PDE1C: variants seen among roughly 807,000 people sequenced by gnomAD.
PDE1C encodes the protein dual specificity calcium/calmodulin-dependent 3',5'-cyclic nucleotide phosphodiesterase 1C.
A neutral mutation model predicts 93.1 loss-of-function variants in PDE1C; 62 were observed. That is an observed-to-expected ratio of 0.67 (90% CI 0.54 to 0.82). The LOEUF (loss-of-function observed/expected upper bound fraction) is 0.82. Among genes scored for constraint, PDE1C ranks in the 40% least tolerant of loss-of-function variants. The probability of loss-of-function intolerance (pLI) is 0.00; values close to 1 mark genes in which losing one functional copy is unlikely to be tolerated. For missense variants in PDE1C, 742 were observed against 884.6 expected (o/e 0.84, Z 2.04); for synonymous variants, 325 against 310.1 (o/e 1.05, Z -0.50).
chr7:31,864,872 T>C, intron 7 of PDE1C, 70 bp downstream of exon 7: 1 of 1,480,180 alleles, frequency 6.8e-7, no homozygotes, highest in Admixed American at 1.7e-5. Context: ...TCATCAGAAT[T>C]GGAACAGTCA....
intron 8 of PDE1C, among the ~76,000 whole-genome samples, chr7:31,849,333 G>T (rs537030704): frequency 1.3e-5 from 2 of 152,230 alleles, no homozygotes; most frequent in South Asian, 4.2e-4. Flanking sequence ...TCAGAGCAAA[G>T]GTTCCACCCA....
intron 1 of PDE1C, among the ~76,000 whole-genome samples, chr7:32,380,045 T>C (rs1338223999): frequency 6.6e-6 from 1 of 152,112 alleles, no homozygotes; most frequent in Admixed American, 6.6e-5. Flanking sequence ...TTTCCCCCTA[T>C]CTATTGGATC....
At chr7:31,778,691 A>G (rs1396113349) in intron 16 of PDE1C, among the ~76,000 whole-genome samples, 2 of 151,874 alleles carry the variant, frequency 1.3e-5, no homozygotes, top group Non-Finnish European at 2.9e-5. Flanking sequence ...GCTAATAGTC[A>G]CTCCCACATA....
intron 14 of PDE1C, among the ~76,000 whole-genome samples, chr7:31,816,954 G>C (rs1453771583): frequency 6.6e-6 from 1 of 152,150 alleles, no homozygotes; most frequent in Non-Finnish European, 1.5e-5. Context: ...AAATGCGTAG[G>C]TTAAGTATTT....
At position 32,360,835 on chromosome 7, in the gene PDE1C, G is replaced by A. The variant is rs539455082; in HGVS notation, c.310+66987C>T. The stretch of plus-strand genomic sequence containing the variant: ...TGTCTAAACTCAAAGACTTGGGATC[G>A]GAAAATATGAAGACAAAGGCAATAG... On this transcript the variant is annotated intron_variant, in intron 1 of 1. Coordinates refer to the PDE1C transcript ENST00000672256. Among the ~76,000 whole-genome samples, 7 of 152,230 alleles carry A rather than the reference G, an allele frequency of 4.6e-5. No homozygotes were observed. The South Asian group carries it at 8.3e-4, about 18-fold the overall frequency.
intron 2 of PDE1C, among the ~76,000 whole-genome samples, chr7:32,041,868 T>A (rs10277858): frequency 0.15 from 22,737 of 152,118 alleles, 2,041 homozygotes; most frequent in East Asian, 0.3. Context: ...AAACATAAAA[T>A]GTCTGAAGAG....
intron 1 of PDE1C, among the ~76,000 whole-genome samples, chr7:32,348,822 T>C (rs941989905): frequency 1.3e-5 from 2 of 152,320 alleles, no homozygotes; most frequent in African/African-American, 2.4e-5. Context: ...TCACTCTAAC[T>C]GCACCATTGA....
intron 1 of PDE1C, among the ~76,000 whole-genome samples, chr7:32,264,167 A>C (rs1396834673): frequency 6.6e-6 from 1 of 152,198 alleles, no homozygotes; most frequent in Non-Finnish European, 1.5e-5. Flanking sequence ...TCTATATTTC[A>C]AACAATTGAG....
intron 2 of PDE1C, among the ~76,000 whole-genome samples, chr7:31,934,524 T>C (rs1484438444): frequency 1.2e-4 from 17 of 139,952 alleles, no homozygotes. Context: ...ATTTATTACA[T>C]AAACATTTCC....
the PDE1C span, among the ~76,000 whole-genome samples, chr7:31,664,965 G>A: frequency 6.6e-6 from 1 of 152,076 alleles, no homozygotes. Flanking sequence ...AATCTCCAAA[G>A]GCTCTTCAGT....
chr7:32,293,030 C>A (rs556794299), intron 1 of PDE1C, among the ~76,000 whole-genome samples: 7 of 152,176 alleles, frequency 4.6e-5, no homozygotes, highest in Non-Finnish European at 1.0e-4. Context: ...CAGCCACAAA[C>A]CCTGGGGATC....
chr7:31,907,188 C>A (rs1309927019), intron 2 of PDE1C, among the ~76,000 whole-genome samples: 2 of 151,772 alleles, frequency 1.3e-5, no homozygotes, highest in African/African-American at 4.8e-5. Context: ...TTCAAGGATG[C>A]CGAGAGCAAG....
intron 1 of PDE1C, among the ~76,000 whole-genome samples, chr7:32,297,043 G>A (rs1215339566): frequency 6.6e-6 from 1 of 152,164 alleles, no homozygotes; most frequent in South Asian, 2.1e-4. Flanking sequence ...AGTGGAAGAC[G>A]TGGAAAGTGA....
intron 1 of PDE1C, among the ~76,000 whole-genome samples, chr7:32,309,540 C>G (rs1044280005): frequency 7.2e-5 from 11 of 152,246 alleles, no homozygotes; most frequent in African/African-American, 2.7e-4. Context: ...ATCAGACTAA[C>G]AGTGGATCTC....
intron 2 of PDE1C, among the ~76,000 whole-genome samples, chr7:31,898,128 T>C (rs4723106): frequency 0.99 from 150,803 of 152,058 alleles, 74,782 homozygotes; most frequent in East Asian, 1. Context: ...AGAGAATAAT[T>C]GAAATAAGTA....
chr7:31,765,731 G>C (rs1483134642), intron 17 of PDE1C, among the ~76,000 whole-genome samples: 1 of 152,152 alleles, frequency 6.6e-6, no homozygotes, highest in Admixed American at 6.5e-5. Context: ...ACTTACCAGA[G>C]TCTTCACTTA....
intron 2 of PDE1C, among the ~76,000 whole-genome samples, chr7:31,985,320 A>C (rs548220300): frequency 2.0e-5 from 3 of 152,184 alleles, no homozygotes; most frequent in Non-Finnish European, 4.4e-5. Flanking sequence ...CTGTTAAATT[A>C]TATTTATGAT....
At chr7:31,967,117 A>G (rs1037009582) in intron 2 of PDE1C, among the ~76,000 whole-genome samples, 4 of 152,230 alleles carry the variant, frequency 2.6e-5, no homozygotes, top group Non-Finnish European at 5.9e-5. Context: ...ATCAGAGCAG[A>G]ACTGAAGGAA....
intron 3 of PDE1C, among the ~76,000 whole-genome samples, chr7:32,083,023 GAGA>G (rs1796810795): frequency 6.6e-6 from 1 of 151,270 alleles, no homozygotes; most frequent in Non-Finnish European, 1.5e-5. Flanking sequence ...GACGAGTTGA[GAGA>G]AGAAGGCTTC....
Sources: allele counts gnomAD v4.1 joint callset (sites outside exome capture counted in the v4.1 genomes callset), GRCh38; gene constraint gnomAD v4.1.1; transcripts MANE v1.5; gene names NCBI Gene and HGNC (gene_info 2026-07-23, HGNC 2026-07-21).